Variants in DOCK4 observed in about 807,000 individuals in gnomAD.
DOCK4 encodes the protein dedicator of cytokinesis 4.
A neutral mutation model predicts 268.1 loss-of-function variants in DOCK4; 97 were observed. That is an observed-to-expected ratio of 0.36 (90% confidence interval 0.31 to 0.43). The LOEUF is 0.43. Ranked by LOEUF, DOCK4 falls within the 20% of genes least tolerant of loss-of-function variation. DOCK4 has a pLI of 1.00. For missense variants in DOCK4, 2,145 were observed against 2,455.7 expected (o/e 0.87, Z 2.67); for synonymous variants, 954 against 887.2 (o/e 1.08, Z -1.34).
intron 27 of DOCK4, among the ~76,000 whole-genome samples, chr7:111,815,946 T>C (rs1021452467): frequency 2.6e-5 from 4 of 152,134 alleles, no homozygotes; most frequent in African/African-American, 4.8e-5. Context: ...GTGGCCCAAA[T>C]TACTGATTAC....
chr7:112,196,223 A>G (rs1458922030), intron 1 of DOCK4, among the ~76,000 whole-genome samples: 1 of 152,176 alleles, frequency 6.6e-6, no homozygotes, highest in Non-Finnish European at 1.5e-5. Flanking sequence ...GTTCAAGGCT[A>G]GTTGATGTGT....
chr7:112,170,855 A>T (rs1818024389), intron 1 of DOCK4, among the ~76,000 whole-genome samples: 2 of 152,318 alleles, frequency 1.3e-5, no homozygotes, highest in South Asian at 2.1e-4. Flanking sequence ...ATACACTCAG[A>T]AGTAGTACCA....
At chr7:112,088,281 TA>T (rs1408637777) in intron 1 of DOCK4, among the ~76,000 whole-genome samples, 2 of 152,132 alleles carry the variant, frequency 1.3e-5, no homozygotes, top group Admixed American at 6.6e-5. Flanking sequence ...AACCACCAGA[TA>T]ATAAACAGAA....
intron 26 of DOCK4, among the ~76,000 whole-genome samples, chr7:111,832,618 C>G (rs1332238701): frequency 6.6e-6 from 1 of 152,148 alleles, no homozygotes; most frequent in African/African-American, 2.4e-5. Flanking sequence ...ACCTCTGCCT[C>G]CTGGGTTCAA....
chr7:111,756,076 C>T (rs113844275), intron 41 of DOCK4, among the ~76,000 whole-genome samples: 3,645 of 152,104 alleles, frequency 0.024, 113 homozygotes, highest in African/African-American at 0.066. Flanking sequence ...CAGCCGGGCA[C>T]GGTGGCTCAC....
intron 1 of DOCK4, among the ~76,000 whole-genome samples, chr7:112,088,105 A>G (rs887463016): frequency 1.3e-5 from 2 of 152,100 alleles, no homozygotes; most frequent in African/African-American, 2.4e-5. Context: ...GAGACCTCGC[A>G]TGCAGACAGG....
chr7:111,907,800 C>T (rs549406002), intron 13 of DOCK4, among the ~76,000 whole-genome samples: 1 of 152,266 alleles, frequency 6.6e-6, no homozygotes, highest in Admixed American at 6.5e-5. Context: ...ATGATCTCCA[C>T]TCACTGCAGC....
intron 21 of DOCK4, among the ~76,000 whole-genome samples, chr7:111,869,189 C>T (rs975287185): frequency 1.3e-5 from 2 of 152,120 alleles, no homozygotes; most frequent in Non-Finnish European, 2.9e-5. Context: ...CCTATTTGCT[C>T]TTAAAATTTA....
intron 1 of DOCK4, among the ~76,000 whole-genome samples, chr7:112,042,594 T>C (rs1021243108): frequency 6.6e-5 from 10 of 152,340 alleles, no homozygotes; most frequent in African/African-American, 2.2e-4. Context: ...TTAGTTGATA[T>C]GCATAATCGA....
chr7:112,070,999 T>A (rs915462309), intron 1 of DOCK4, among the ~76,000 whole-genome samples: 2 of 152,006 alleles, frequency 1.3e-5, no homozygotes, highest in Non-Finnish European at 2.9e-5. Flanking sequence ...AAACAAAACA[T>A]AACAAAACAA....
intron 49 of DOCK4, among the ~76,000 whole-genome samples, chr7:111,737,525 G>A (rs1336399353): frequency 3.3e-5 from 5 of 151,918 alleles, no homozygotes; most frequent in African/African-American, 1.2e-4. Context: ...TCACTAGTGA[G>A]TGAAATTTAA....
intron 13 of DOCK4, among the ~76,000 whole-genome samples, chr7:111,907,655 G>C (rs561313157): frequency 6.6e-6 from 1 of 152,160 alleles, no homozygotes; most frequent in Non-Finnish European, 1.5e-5. Context: ...TAAGCTAAGC[G>C]GTGTGGGGGT....
Position 111,834,701 on chromosome 7 carries a change from A to C in DOCK4, c.2737-15T>G. 3 of 1,493,738 alleles carry C rather than the reference A, an allele frequency of 2.0e-6. No individual in the cohort carries two copies. The highest frequency in any genetic ancestry group is 2.7e-6 in the Non-Finnish European group (3 of 1,118,536). 92.5% of individuals were successfully genotyped at this position (1,493,738 alleles called of 1,614,324 possible). On this transcript the variant is annotated splice_polypyrimidine_tract_variant and intron_variant, in intron 25 of 52. Transcript: ENST00000428084. ...ACAAACTCCCCCTAAGTTAAAAAAA[A>C]AAAAAGCATACATTTTATTTTTAGT...
intron 37 of DOCK4, among the ~76,000 whole-genome samples, 172 bp downstream of exon 37, chr7:111,769,357 G>A (rs906900762): frequency 6.6e-6 from 1 of 152,146 alleles, no homozygotes; most frequent in Non-Finnish European, 1.5e-5. Context: ...GAATGGCTAG[G>A]AGTGGCACCT....
At chr7:111,876,328 T>C (rs1294628689) in intron 17 of DOCK4, among the ~76,000 whole-genome samples, 1 of 152,198 alleles carries the variant, frequency 6.6e-6, no homozygotes, top group Non-Finnish European at 1.5e-5. Flanking sequence ...CTACAAATGC[T>C]GTTCTCTGAC....
chr7:111,844,106 C>A (rs920194859), intron 25 of DOCK4, among the ~76,000 whole-genome samples: 1 of 152,204 alleles, frequency 6.6e-6, no homozygotes, highest in East Asian at 1.9e-4. Context: ...GAAACTCTGT[C>A]TGTATTAAAA....
At chr7:111,794,970 T>C (rs764932553) in intron 30 of DOCK4, among the ~76,000 whole-genome samples, 5 of 152,202 alleles carry the variant, frequency 3.3e-5, no homozygotes, top group Non-Finnish European at 5.9e-5. Flanking sequence ...TAAAGTTGTC[T>C]GAGAGTAAAT....
At chr7:112,109,968 T>C (rs1249748325) in intron 1 of DOCK4, among the ~76,000 whole-genome samples, 2 of 151,598 alleles carry the variant, frequency 1.3e-5, no homozygotes, top group Non-Finnish European at 2.9e-5. Context: ...ATGGTCTCGA[T>C]CTCCTGACCT....
chr7:112,128,518 C>T (rs988099412), intron 1 of DOCK4, among the ~76,000 whole-genome samples: 7 of 152,166 alleles, frequency 4.6e-5, no homozygotes, highest in Non-Finnish European at 8.8e-5. Context: ...GGATGGTTGC[C>T]GTGTCTGTGT....
Sources: allele counts gnomAD v4.1 joint callset (sites outside exome capture counted in the v4.1 genomes callset), GRCh38; gene constraint gnomAD v4.1.1; transcripts MANE v1.5; gene names NCBI Gene and HGNC (gene_info 2026-07-23, HGNC 2026-07-21).